SCG5: variants seen among roughly 807,000 people sequenced by gnomAD.
The protein encoded by SCG5 is secretogranin V.
A neutral mutation model predicts 25.7 loss-of-function variants in SCG5; 18 were observed. That is an observed-to-expected ratio of 0.70 (90% CI 0.48 to 1.04). The LOEUF (loss-of-function observed/expected upper bound fraction) is 1.04. Among genes scored for constraint, SCG5 ranks in the 50% least tolerant of loss-of-function variants. The pLI is 0.00. For synonymous variants in SCG5, 101 were observed against 91.7 expected (o/e 1.10, Z -0.58); for missense variants, 206 against 259.8 (o/e 0.79, Z 1.42).
At chr15:32,663,670 C>G (rs1258353437) in intron 2 of SCG5, among the ~76,000 whole-genome samples, 2 of 152,100 alleles carry the variant, frequency 1.3e-5, no homozygotes, top group African/African-American at 4.8e-5. Context: ...TATGGTAGTT[C>G]CAGGGAGTCT....
At chr15:32,671,665 T>C (rs745795854) in intron 2 of SCG5, among the ~76,000 whole-genome samples, 1 of 152,076 alleles carries the variant, frequency 6.6e-6, no homozygotes, top group Non-Finnish European at 1.5e-5. Flanking sequence ...ATGGCGCTTT[T>C]TGTAAAATTG....
intron 2 of SCG5, among the ~76,000 whole-genome samples, chr15:32,652,166 A>G (rs948482934): frequency 6.6e-6 from 1 of 152,196 alleles, no homozygotes; most frequent in Non-Finnish European, 1.5e-5. Context: ...GTCACATGAA[A>G]TAGTAAAAAC....
At chr15:32,681,652 G>T (rs1300821789) in intron 3 of SCG5, among the ~76,000 whole-genome samples, 1 of 151,792 alleles carries the variant, frequency 6.6e-6, no homozygotes, top group Non-Finnish European at 1.5e-5. Context: ...GTCTCATTAT[G>T]TTGCCCAGGC....
chr15:32,641,820 C>T (rs998624178), intron 1 of SCG5, 42 bp downstream of exon 1: 1 of 152,330 alleles, frequency 6.6e-6, no homozygotes, highest in Non-Finnish European at 1.5e-5. Context: ...CTGCCGCCAA[C>T]CCGAGATTTG....
At chr15:32,673,161 G>T (rs62001854) in intron 2 of SCG5, 9,107 of 152,204 alleles carry the variant, frequency 0.06, 299 homozygotes, top group Middle Eastern at 0.13. Flanking sequence ...AAATGGGGCA[G>T]CAGGATCCTT....
intron 3 of SCG5, among the ~76,000 whole-genome samples, chr15:32,681,028 T>C (rs1245697181): frequency 1.3e-5 from 2 of 152,198 alleles, no homozygotes; most frequent in African/African-American, 2.4e-5. Flanking sequence ...AAATTATCCA[T>C]GTAAAGCATT....
At chr15:32,644,617 C>A (rs887064914) in intron 2 of SCG5, among the ~76,000 whole-genome samples, 3 of 152,120 alleles carry the variant, frequency 2.0e-5, no homozygotes, top group African/African-American at 7.2e-5. Context: ...AGACAGATTC[C>A]TTATTTCCAT....
chr15:32,652,371 T>G (rs1362210976), intron 2 of SCG5, among the ~76,000 whole-genome samples: 2 of 151,678 alleles, frequency 1.3e-5, no homozygotes, highest in Non-Finnish European at 2.9e-5. Context: ...GTAATAGCTG[T>G]GGAAGGATTG....
chr15:32,658,177 T>C (rs1289746821), intron 2 of SCG5, among the ~76,000 whole-genome samples: 1 of 152,120 alleles, frequency 6.6e-6, no homozygotes, highest in African/African-American at 2.4e-5. Flanking sequence ...GAGGAGTAGC[T>C]GGGCCTGTCC....
intron 2 of SCG5, among the ~76,000 whole-genome samples, chr15:32,659,154 C>T (rs1211866337): frequency 4.0e-5 from 6 of 151,532 alleles, no homozygotes; most frequent in Middle Eastern, 6.8e-3. Context: ...CCAGCCTGGG[C>T]GACAGAGCGA....
intron 2 of SCG5, among the ~76,000 whole-genome samples, chr15:32,647,915 T>C (rs1169793413): frequency 6.6e-6 from 1 of 152,212 alleles, no homozygotes; most frequent in African/African-American, 2.4e-5. Context: ...GGTCCACTTC[T>C]CTTATTTCCC....
At position 32,654,477 on chromosome 15, in the gene SCG5, C is replaced by T. The variant is rs568967046; in HGVS notation, c.226+10659C>T. Among the ~76,000 whole-genome samples the T allele has an allele frequency of 5.3e-5, 8 of 152,268 alleles. No homozygotes were observed. In the South Asian group the frequency reaches 8.3e-4, roughly 16 times the overall value. The stretch of plus-strand genomic sequence containing the variant: ...TGGGATCAGAGCCTGAGCTGGACCC[C>T]GGTGTTTTCCTCTTCTGTCTGTCCA... On this transcript the variant is annotated intron_variant, in intron 2 of 5. Coordinates refer to ENST00000300175, the MANE Select transcript of SCG5 (RefSeq NM_001144757.3).
chr15:32,679,285 C>G (rs1467156811), intron 2 of SCG5, among the ~76,000 whole-genome samples: 1 of 151,698 alleles, frequency 6.6e-6, no homozygotes. Context: ...ACCTCCACTT[C>G]TCGGGTTCAA....
chr15:32,648,783 TA>T (rs1212922715), intron 2 of SCG5, among the ~76,000 whole-genome samples: 4,643 of 131,300 alleles, frequency 0.035, 221 homozygotes, highest in African/African-American at 0.1. Context: ...TTTTTTTTTT[TA>T]AAAAAAAAAC....
In SCG5 at chr15:32,696,573, C is replaced by T; in HGVS notation, c.603C>T (p.Val201=). 6 of 1,612,856 alleles carry T rather than the reference C, an allele frequency of 3.7e-6. No homozygotes were observed. Among genetic ancestry groups the T allele is most frequent in the Non-Finnish European group, 5.1e-6 (6 of 1,179,322 alleles). ...RLDNVVAKKS[V]PHFSDEDKDP... Reference sequence around the variant, plus strand: ...ATAATGTTGTTGCAAAGAAGTCTGTCCCCCATTTTTCAGATGAGGATAAGG... The same window carrying T: ...ATAATGTTGTTGCAAAGAAGTCTGTTCCCCATTTTTCAGATGAGGATAAGG... Residue 201 remains valine (V), a synonymous_variant, in exon 6 of 6, where the codon GTC becomes GTT. Coordinates refer to ENST00000300175, the MANE Select transcript of SCG5 (RefSeq NM_001144757.3).
At chr15:32,674,143 C>A (rs913056823) in intron 2 of SCG5, among the ~76,000 whole-genome samples, 5 of 152,186 alleles carry the variant, frequency 3.3e-5, no homozygotes, top group South Asian at 2.1e-4. Flanking sequence ...AAGTCATATT[C>A]TCCTGCTGTT....
intron 2 of SCG5, chr15:32,673,088 T>G (rs2054465787): frequency 6.6e-6 from 1 of 152,178 alleles, no homozygotes; most frequent in South Asian, 2.1e-4. Context: ...TCGCTTATAC[T>G]ATGAGAACTC....
chr15:32,655,104 C>T (rs1046545355), intron 2 of SCG5, among the ~76,000 whole-genome samples: 3 of 152,054 alleles, frequency 2.0e-5, no homozygotes, highest in Non-Finnish European at 4.4e-5. Context: ...GTCAGGAGAT[C>T]GAGACCATCC....
intron 4 of SCG5, among the ~76,000 whole-genome samples, chr15:32,685,133 G>A (rs2054685664): frequency 6.6e-6 from 1 of 152,174 alleles, no homozygotes; most frequent in South Asian, 2.1e-4. Context: ...CTGCTTTATA[G>A]AAAGAGAAAA....
Sources: allele counts gnomAD v4.1 joint callset (sites outside exome capture counted in the v4.1 genomes callset), GRCh38; gene constraint gnomAD v4.1.1; transcripts MANE v1.5; gene names NCBI Gene and HGNC (gene_info 2026-07-23, HGNC 2026-07-21).